MITF: variants seen among roughly 807,000 people sequenced by gnomAD.
MITF encodes the protein microphthalmia-associated transcription factor.
A neutral mutation model predicts 60.5 loss-of-function variants in MITF; 17 were observed. The ratio of observed to expected loss-of-function variants is 0.28; its 90% CI spans 0.19 to 0.42. MITF has a LOEUF of 0.42. MITF is among the 10% of genes least tolerant of loss of function. MITF has a pLI of 1.00. For synonymous variants in MITF, 260 were observed against 248.5 expected (o/e 1.05, Z -0.43); for missense variants, 622 against 683.5 (o/e 0.91, Z 1.00).
At position 69,842,575 on chromosome 3, in the gene MITF, G is replaced by A. The variant is rs112117804; in HGVS notation, c.105-36559G>A. Reference sequence around the variant, plus strand: ...ACACTCTTAGTAAACGGAGGTAGCCGGTAGATGTTTGAAGTGTGTGCTTGG... The same window carrying A: ...ACACTCTTAGTAAACGGAGGTAGCCAGTAGATGTTTGAAGTGTGTGCTTGG... On this transcript the variant is annotated intron_variant, in intron 1 of 9. Coordinates refer to ENST00000352241, the MANE Select transcript of MITF (RefSeq NM_001354604.2). 3.8e-3 allele frequency among the ~76,000 whole-genome samples: 579 copies of A among 152,272 alleles called. 6 individuals carry two copies. Among genetic ancestry groups the A allele is most frequent in the African/African-American group, 0.013 (543 of 41,552 alleles).
intron 1 of MITF, among the ~76,000 whole-genome samples, chr3:69,742,318 G>T (rs1703555228): frequency 6.6e-6 from 1 of 152,068 alleles, no homozygotes; most frequent in Non-Finnish European, 1.5e-5. Flanking sequence ...ATCTTACAGT[G>T]CACAGGACAG....
intron 1 of MITF, among the ~76,000 whole-genome samples, chr3:69,831,694 C>G (rs2063450215): frequency 6.6e-6 from 1 of 152,100 alleles, no homozygotes; most frequent in African/African-American, 2.4e-5. Context: ...GTAAAATTCC[C>G]CAGATTTGAA....
At chr3:69,891,576 A>G (rs1336779261) in intron 2 of MITF, among the ~76,000 whole-genome samples, 1 of 152,238 alleles carries the variant, frequency 6.6e-6, no homozygotes, top group African/African-American at 2.4e-5. Context: ...AAGATTCTAA[A>G]GTATGCTCAT....
intron 1 of MITF, among the ~76,000 whole-genome samples, chr3:69,844,271 A>C (rs2063691934): frequency 6.6e-6 from 1 of 152,200 alleles, no homozygotes; most frequent in South Asian, 2.1e-4. Context: ...ACCAAAACAG[A>C]TATATAGAAC....
chr3:69,901,428 T>C (rs1251702362), intron 2 of MITF, among the ~76,000 whole-genome samples: 1 of 152,186 alleles, frequency 6.6e-6, no homozygotes, highest in Non-Finnish European at 1.5e-5. Context: ...AGCATAATCC[T>C]TTAAACTTAA....
intron 2 of MITF, among the ~76,000 whole-genome samples, chr3:69,932,369 A>T (rs569566918): frequency 1.3e-5 from 2 of 152,320 alleles, no homozygotes; most frequent in East Asian, 3.9e-4. Flanking sequence ...TGTGTCATGA[A>T]ATATTCTTCT....
intron 5 of MITF, among the ~76,000 whole-genome samples, chr3:69,945,602 T>A (rs2066075700): frequency 6.6e-6 from 1 of 152,194 alleles, no homozygotes; most frequent in Admixed American, 6.5e-5. Context: ...ACCTTCCTTT[T>A]AGTAGCTTCA....
At chr3:69,759,926 C>T (rs551267811) in intron 1 of MITF, among the ~76,000 whole-genome samples, 39 of 152,228 alleles carry the variant, frequency 2.6e-4, no homozygotes, top group East Asian at 1.4e-3. Context: ...TACAGGCACC[C>T]GCCACCACAC....
intron 1 of MITF, among the ~76,000 whole-genome samples, chr3:69,805,199 C>T (rs958830671): frequency 6.6e-6 from 1 of 151,916 alleles, no homozygotes; most frequent in South Asian, 2.1e-4. Flanking sequence ...TCTATTGCCA[C>T]GTGTTTCTTA....
At chr3:69,963,173 T>C (rs185562127) in intron 9 of MITF, among the ~76,000 whole-genome samples, 5 of 152,304 alleles carry the variant, frequency 3.3e-5, no homozygotes, top group Admixed American at 2.6e-4. Context: ...AACATTCAAA[T>C]GTTTTCCAGG....
chr3:69,787,703 T>A (rs2062673836), intron 1 of MITF, among the ~76,000 whole-genome samples: 1 of 152,194 alleles, frequency 6.6e-6, no homozygotes, highest in Non-Finnish European at 1.5e-5. Flanking sequence ...CTTCTTGATC[T>A]CAGTATGACT....
intron 1 of MITF, among the ~76,000 whole-genome samples, chr3:69,827,256 C>A (rs2063370580): frequency 6.6e-6 from 1 of 152,166 alleles, no homozygotes; most frequent in Admixed American, 6.6e-5. Context: ...GTGGTGCAGG[C>A]TTTTCTCCTA....
chr3:69,820,155 G>C (rs996383735), intron 1 of MITF, among the ~76,000 whole-genome samples: 2 of 152,188 alleles, frequency 1.3e-5, no homozygotes, highest in African/African-American at 4.8e-5. Context: ...TTTTAATATA[G>C]ATTCGTTTTG....
chr3:69,929,954 G>A (rs1169755668), intron 2 of MITF, among the ~76,000 whole-genome samples: 2 of 152,160 alleles, frequency 1.3e-5, no homozygotes, highest in Admixed American at 6.5e-5. Flanking sequence ...TGTAGAATGA[G>A]CAACTAGGTT....
intron 1 of MITF, among the ~76,000 whole-genome samples, chr3:69,842,517 T>C (rs1242265097): frequency 6.6e-6 from 1 of 152,108 alleles, no homozygotes; most frequent in Non-Finnish European, 1.5e-5. Context: ...GATCAAAAAT[T>C]ATAGCATCAG....
At chr3:69,788,852 A>G (rs758850489) in intron 1 of MITF, among the ~76,000 whole-genome samples, 21 of 152,234 alleles carry the variant, frequency 1.4e-4, no homozygotes, top group Admixed American at 6.5e-4. Context: ...TGAAGTAAGG[A>G]CAGTCTCTTC....
chr3:69,770,877 C>G (rs2062383030), intron 1 of MITF, among the ~76,000 whole-genome samples: 1 of 152,090 alleles, frequency 6.6e-6, no homozygotes, highest in Non-Finnish European at 1.5e-5. Context: ...TGTGAGAGAA[C>G]TATTCAAAGA....
chr3:69,964,766 T>C (rs2066640611), intron 9 of MITF, 81 bp from the exon 10 acceptor site: 3 of 1,270,334 alleles, frequency 2.4e-6, no homozygotes, highest in East Asian at 4.6e-5. Context: ...ACCATTATAG[T>C]ATCATATAGA....
chr3:69,875,493 TA>T (rs1421641537), intron 1 of MITF, among the ~76,000 whole-genome samples: 3 of 152,224 alleles, frequency 2.0e-5, no homozygotes, highest in Non-Finnish European at 4.4e-5. Flanking sequence ...GACCTTTACA[TA>T]ATCTGATTAA....
Sources: allele counts gnomAD v4.1 joint callset (sites outside exome capture counted in the v4.1 genomes callset), GRCh38; gene constraint gnomAD v4.1.1; transcripts MANE v1.5; gene names NCBI Gene and HGNC (gene_info 2026-07-23, HGNC 2026-07-21).